The following PCDH9 variants were observed in gnomAD, a reference collection of about 807,000 sequenced individuals.
PCDH9 encodes protocadherin 9.
A neutral mutation model predicts 70.6 loss-of-function variants in PCDH9; 24 were observed. That is an observed-to-expected ratio of 0.34 (90% CI 0.25 to 0.48). The LOEUF (loss-of-function observed/expected upper bound fraction) is 0.48, where lower values mean the gene tolerates loss of function less well. PCDH9 is among the 20% of genes least tolerant of loss of function. The pLI is 0.99. For synonymous variants in PCDH9, 562 were observed against 558.5 expected (o/e 1.01, Z -0.09); for missense variants, 1,281 against 1,503.6 (o/e 0.85, Z 2.45).
chr13:66,626,093 A>G (rs1195612216), intron 4 of PCDH9, among the ~76,000 whole-genome samples: 1 of 152,168 alleles, frequency 6.6e-6, no homozygotes, highest in East Asian at 1.9e-4. Context: ...AGGCAAAAAG[A>G]AAATAGAGGA....
chr13:66,937,903 C>T (rs1190975069), intron 2 of PCDH9, among the ~76,000 whole-genome samples: 2 of 152,008 alleles, frequency 1.3e-5, no homozygotes, highest in Non-Finnish European at 2.9e-5. Flanking sequence ...CTGGGGGTTG[C>T]CCAATTCACG....
rs112782722 is a variant in PCDH9, at chr13:66,468,425, T to C, written c.3340+162785A>G. On this transcript the variant is annotated intron_variant, in intron 4 of 4. Transcript: ENST00000377865. ...AGAGTGAAACTTTTAAAAGAAAAGG[T>C]AGATAACTGTCATTTCCCTGACTCA... is the stretch of plus-strand genomic sequence containing the variant. 3.6e-3 allele frequency among the ~76,000 whole-genome samples: 548 copies of C among 152,224 alleles called. 6 individuals carry two copies. The highest frequency in any genetic ancestry group is 0.013 in the African/African-American group (530 of 41,546).
chr13:67,071,193 T>C (rs1306579869), intron 2 of PCDH9, among the ~76,000 whole-genome samples: 1 of 152,144 alleles, frequency 6.6e-6, no homozygotes, highest in African/African-American at 2.4e-5. Flanking sequence ...TCAAATGTAA[T>C]AGTTTAGTGA....
intron 3 of PCDH9, among the ~76,000 whole-genome samples, chr13:66,823,934 C>T (rs2080762667): frequency 6.6e-6 from 1 of 151,912 alleles, no homozygotes; most frequent in Admixed American, 6.6e-5. Context: ...TCCATTCAAC[C>T]TAAACTTATA....
chr13:66,467,575 G>A (rs2138471505), intron 4 of PCDH9, among the ~76,000 whole-genome samples: 2 of 152,096 alleles, frequency 1.3e-5, no homozygotes, highest in Middle Eastern at 6.8e-3. Flanking sequence ...AGACTGAATT[G>A]TTGATTCTTT....
At chr13:66,758,617 A>C in intron 3 of PCDH9, among the ~76,000 whole-genome samples, 1 of 152,142 alleles carries the variant, frequency 6.6e-6, no homozygotes, top group Middle Eastern at 3.4e-3. Context: ...TTTTAATATT[A>C]GAGTAACGCT....
intron 4 of PCDH9, among the ~76,000 whole-genome samples, chr13:66,542,201 A>G (rs542311428): frequency 7.2e-5 from 11 of 152,188 alleles, no homozygotes; most frequent in Non-Finnish European, 1.3e-4. Flanking sequence ...GAAATATCCA[A>G]CGGAATATTT....
intron 2 of PCDH9, among the ~76,000 whole-genome samples, chr13:66,982,511 G>A (rs535871384): frequency 6.6e-6 from 1 of 152,064 alleles, no homozygotes; most frequent in Non-Finnish European, 1.5e-5. Context: ...ATAAAGGTAG[G>A]ACTAAAAATA....
At chr13:66,898,508 GA>G (rs2082221580) in intron 3 of PCDH9, among the ~76,000 whole-genome samples, 1 of 151,890 alleles carries the variant, frequency 6.6e-6, no homozygotes, top group Non-Finnish European at 1.5e-5. Context: ...TCTAAGGACT[GA>G]ACATATTTAT....
intron 2 of PCDH9, among the ~76,000 whole-genome samples, chr13:67,134,294 A>G (rs566080409): frequency 6.6e-6 from 1 of 152,264 alleles, no homozygotes; most frequent in African/African-American, 2.4e-5. Flanking sequence ...TTTTAGATAT[A>G]GGTCATTTCA....
chr13:66,594,468 GTTTAT>G (rs57782546), intron 4 of PCDH9, among the ~76,000 whole-genome samples: 62,083 of 138,890 alleles, frequency 0.45, 15,259 homozygotes, highest in Admixed American at 0.57. Flanking sequence ...GTTACTTTTT[GTTTAT>G]TTTATTTTAT....
chr13:67,179,048 C>T (rs2088543868), intron 2 of PCDH9, among the ~76,000 whole-genome samples: 1 of 152,046 alleles, frequency 6.6e-6, no homozygotes, highest in African/African-American at 2.4e-5. Context: ...TTATATCCCC[C>T]AATTAAACAC....
chr13:67,181,750 A>C (rs2138484455), intron 2 of PCDH9, among the ~76,000 whole-genome samples: 1 of 152,296 alleles, frequency 6.6e-6, no homozygotes, highest in South Asian at 2.1e-4. Flanking sequence ...AAAGTGACTA[A>C]AAATTAGGCC....
chr13:66,343,489 C>T (rs769266107), intron 4 of PCDH9, among the ~76,000 whole-genome samples: 18 of 152,304 alleles, frequency 1.2e-4, no homozygotes, highest in Non-Finnish European at 2.6e-4. Flanking sequence ...GAACCAAGCT[C>T]GTCATCTTAA....
intron 2 of PCDH9, among the ~76,000 whole-genome samples, chr13:67,023,125 G>C (rs2084711025): frequency 6.6e-6 from 1 of 151,944 alleles, no homozygotes; most frequent in Non-Finnish European, 1.5e-5. Flanking sequence ...TTTTCAGCAA[G>C]GGGTTTAGGA....
chr13:66,430,159 CTCTT>C (rs1190704337), intron 4 of PCDH9, among the ~76,000 whole-genome samples: 1 of 152,032 alleles, frequency 6.6e-6, no homozygotes, highest in Non-Finnish European at 1.5e-5. Context: ...ATAAAGCTAA[CTCTT>C]TATTCAATCA....
intron 4 of PCDH9, among the ~76,000 whole-genome samples, chr13:66,584,507 C>T (rs1309966853): frequency 6.6e-6 from 1 of 152,032 alleles, no homozygotes; most frequent in Non-Finnish European, 1.5e-5. Flanking sequence ...ATATTGTCAC[C>T]GTGCAATCCT....
chr13:67,032,089 G>A (rs1347081410), intron 2 of PCDH9, among the ~76,000 whole-genome samples: 4 of 152,202 alleles, frequency 2.6e-5, no homozygotes, highest in Non-Finnish European at 5.9e-5. Flanking sequence ...AAAGCCGGCA[G>A]TCATAGATTA....
chr13:66,589,156 A>G (rs1275429306), intron 4 of PCDH9, among the ~76,000 whole-genome samples: 6 of 152,092 alleles, frequency 3.9e-5, no homozygotes, highest in Non-Finnish European at 1.5e-5. Flanking sequence ...TGTATGCCTT[A>G]TAAATAAAAT....
Sources: gnomAD v4.1 joint callset for allele counts (sites outside exome capture counted in the v4.1 genomes callset) on GRCh38, gnomAD v4.1.1 for gene constraint, MANE v1.5 for transcripts, NCBI Gene and HGNC (gene_info 2026-07-23, HGNC 2026-07-21) for gene names.